Variants in GRM4 observed in about 807,000 individuals in gnomAD.
GRM4 encodes the protein metabotropic glutamate receptor 4.
Under a neutral mutation model 81.7 loss-of-function variants are expected in GRM4, and 28 were observed. The observed-to-expected ratio is 0.34, with a 90% CI of 0.25 to 0.47. The LOEUF (loss-of-function observed/expected upper bound fraction) is 0.47. Ranked by LOEUF, GRM4 falls within the 20% of genes least tolerant of loss-of-function variation. GRM4 has a pLI of 1.00. For missense variants in GRM4, 948 were observed against 1,290.0 expected, an observed-to-expected ratio of 0.73 and a Z score of 4.06; for synonymous variants, 488 against 528.8, an observed-to-expected ratio of 0.92 and a Z score of 1.06.
intron 2 of GRM4, among the ~76,000 whole-genome samples, chr6:34,131,682 T>C (rs897820135): frequency 6.6e-6 from 1 of 152,168 alleles, no homozygotes; most frequent in Non-Finnish European, 1.5e-5. Flanking sequence ...CCCCCAGACA[T>C]GCCCCCAAGT....
chr6:34,045,551 C>T (rs767948448), intron 6 of GRM4, among the ~76,000 whole-genome samples: 9 of 152,336 alleles, frequency 5.9e-5, no homozygotes, highest in Admixed American at 2.6e-4. Flanking sequence ...AAAAAGTCTT[C>T]AGCACCCTGA....
intron 3 of GRM4, among the ~76,000 whole-genome samples, chr6:34,072,649 ACATCAC>A (rs1766999646): frequency 6.7e-6 from 1 of 149,422 alleles, no homozygotes; most frequent in African/African-American, 2.5e-5. Flanking sequence ...ACACACACAC[ACATCAC>A]CACATAGATA....
Position 34,072,259 on chromosome 6 carries a change from C to T in GRM4, c.737-10231G>A, listed in dbSNP as rs368919180. ...ACACACATCACACAGATACACAGCACACACAGACACACGATCACCACACAT... is the reference window on the plus strand; with the variant it reads ...ACACACATCACACAGATACACAGCATACACAGACACACGATCACCACACAT... On this transcript the variant is annotated intron_variant, in intron 3 of 10. Transcript: ENST00000538487. Among the ~76,000 whole-genome samples, 21 of 145,156 alleles carry T rather than the reference C, an allele frequency of 1.4e-4. 1 individual carries two copies. The East Asian group carries it at 1.7e-3, about 12-fold the overall frequency.
In GRM4 at chr6:34,130,474, A is replaced by G. The variant is rs531959958; in HGVS notation, c.519+2504T>C. On this transcript the variant is annotated intron_variant, in intron 2 of 10. Coordinates refer to ENST00000538487, the MANE Select transcript of GRM4 (RefSeq NM_000841.4). This position sits in a 1 kb window ranked among gnomAD's most constrained non-coding sequence, Gnocchi z 4.1. Reference sequence around the variant, plus strand: ...CCACACCATGCTCCTCTGTGGCCAGACAAACAGGGGACACCATGAACCCCC... The same window carrying G: ...CCACACCATGCTCCTCTGTGGCCAGGCAAACAGGGGACACCATGAACCCCC... 6.6e-6 allele frequency among the ~76,000 whole-genome samples: 1 copy of G among 152,206 alleles called. No homozygotes were observed. The highest frequency in any genetic ancestry group is 1.9e-4 in the East Asian group (1 of 5,164).
chr6:34,145,097 G>A (rs1770870760), intron 1 of GRM4, among the ~76,000 whole-genome samples: 1 of 152,102 alleles, frequency 6.6e-6, no homozygotes, highest in Non-Finnish European at 1.5e-5. Flanking sequence ...CCGCGCGCCA[G>A]CAAGGTTTAA....
At position 34,102,793 on chromosome 6, in the gene GRM4, G is replaced by C. The variant is rs138756468; in HGVS notation, c.520-10694C>G. 6.5e-3 allele frequency among the ~76,000 whole-genome samples: 989 copies of C among 152,198 alleles called. 13 individuals are homozygous for C. Among genetic ancestry groups the C allele is most frequent in the Non-Finnish European group, 7.3e-3 (497 of 68,018 alleles). On this transcript the variant is annotated intron_variant, in intron 2 of 10. Coordinates refer to ENST00000538487, the MANE Select transcript of GRM4 (RefSeq NM_000841.4). ...ACACCTCATTCCTTCTGCACAGCCC[G>C]CCCATGAGACAAGCACCACAGTGCT...
chr6:34,028,327 G>C lies in GRM4; in HGVS notation c.2482C>G (p.Leu828Val). The C allele has an allele frequency of 6.2e-7, 1 of 1,612,392 alleles. No individual in the cohort carries two copies. The highest frequency in any genetic ancestry group is 2.2e-5 in the East Asian group (1 of 44,854). ...ATTCCCAGGGACACCGAGGCGCTCA[G>C]ACTCACCGAGACCGTCAGCGTCGTC... ...QTTTLTVSVS[L>V]SASVSLGMLY... Residue 828 changes from leucine to valine, a missense_variant, in exon 10 of 11, where the codon CTG (leucine) becomes GTG (valine). Leu to Val is a conservative substitution (Grantham distance 32, BLOSUM62 1). Coordinates refer to ENST00000538487, the MANE Select transcript of GRM4 (RefSeq NM_000841.4).
At chr6:34,145,881 G>T in intron 1 of GRM4, 119 bp downstream of exon 1, 1 of 550,076 alleles carries the variant, frequency 1.8e-6, no homozygotes, top group Non-Finnish European at 2.3e-6. Flanking sequence ...CTCTCGCGGC[G>T]CTCCGCCACC....
chr6:34,072,981 T>TACCACACACACATATCACACAGATACAC (rs1368503719), intron 3 of GRM4, among the ~76,000 whole-genome samples: 3 of 8,168 alleles, frequency 3.7e-4, no homozygotes, highest in African/African-American at 5.6e-4. Context: ...CACAGATACA[T>TACCACACACACATATCACACAGATACAC]ACCACACACA....
rs1768402881 is a variant in GRM4 at position 34,094,389 on chromosome 6, T to C, written c.520-2290A>G. On this transcript the variant is annotated intron_variant, in intron 2 of 10. Coordinates refer to ENST00000538487, the MANE Select transcript of GRM4 (RefSeq NM_000841.4). ...TCTATGTGTCCCCTCACCTGCTCTG[T>C]CAGCAGTGACTGAAAACTAGCCCAG... Among the ~76,000 whole-genome samples, 10 of 152,366 alleles carry C rather than the reference T, an allele frequency of 6.6e-5. No individual in the cohort carries two copies. The South Asian group carries it at 1.7e-3, about 25-fold the overall frequency.
chr6:34,093,952 A>G (rs987915114), intron 2 of GRM4, among the ~76,000 whole-genome samples: 1 of 152,244 alleles, frequency 6.6e-6, no homozygotes, highest in Non-Finnish European at 1.5e-5. Context: ...CATGTACTAC[A>G]TTATCCACTG....
chr6:34,106,152 T>C (rs1244204791), intron 2 of GRM4, among the ~76,000 whole-genome samples: 4 of 152,150 alleles, frequency 2.6e-5, no homozygotes. Flanking sequence ...TGGTGGCTCA[T>C]GCCTGTAATC....
At chr6:34,144,747 G>T (rs1184740047) in intron 1 of GRM4, among the ~76,000 whole-genome samples, 1 of 152,106 alleles carries the variant, frequency 6.6e-6, no homozygotes, top group Admixed American at 6.5e-5. Flanking sequence ...CGCTAATGCC[G>T]CCGCCCCCAC....
intron 6 of GRM4, among the ~76,000 whole-genome samples, chr6:34,041,513 C>T (rs920650154): frequency 2.0e-5 from 3 of 152,222 alleles, no homozygotes; most frequent in Non-Finnish European, 4.4e-5. Context: ...TCCTCCTCCC[C>T]TCCCCTCCGT....
chr6:34,022,564 C>A lies in GRM4; in HGVS notation c.*257G>T. On this transcript the variant is annotated 3_prime_UTR_variant, in exon 11 of 11. Coordinates refer to ENST00000538487, the MANE Select transcript of GRM4 (RefSeq NM_000841.4). The surrounding 1 kb of genome is among the most constrained non-coding windows in gnomAD (Gnocchi z 5.6). ...GACCTGAGCCCCTGTGGTTTGGGGC[C>A]GGGAGGGGCAATGGTCCAAGACGCA... is the stretch of plus-strand genomic sequence containing the variant. The A allele has an allele frequency of 1.8e-6, 1 of 544,928 alleles. No individual in the cohort carries two copies. The allele number at this position is 544,928 out of a possible 1,614,324, so 33.8% of individuals were successfully genotyped here.
In GRM4 at chr6:34,019,079, G is replaced by C. The variant is rs1763782055; in HGVS notation, c.*3742C>G. The C allele has an allele frequency of 6.6e-6, 1 of 152,334 alleles. No homozygotes were observed. Among genetic ancestry groups the C allele is most frequent in the Admixed American group, 6.5e-5 (1 of 15,284 alleles). The allele number at this position is 152,334 out of a possible 1,614,324, so 9.4% of individuals were successfully genotyped here. On this transcript the variant is annotated 3_prime_UTR_variant, in exon 11 of 11. Transcript: ENST00000538487. ...GCTCCCCAGGACCCCTTGGAGGCCT[G>C]GAGGCTGAGGCAGTGTGGGGGCAGC...
At chr6:34,123,040 C>T (rs1230375446) in intron 2 of GRM4, among the ~76,000 whole-genome samples, 2 of 152,174 alleles carry the variant, frequency 1.3e-5, no homozygotes, top group Admixed American at 6.5e-5. Context: ...CACCTCAGAG[C>T]CTCAAAGCCT....
chr6:34,097,372 CTG>C (rs972349080), intron 2 of GRM4, among the ~76,000 whole-genome samples: 2 of 150,826 alleles, frequency 1.3e-5, no homozygotes, highest in Admixed American at 6.6e-5. Context: ...GTATGCATGC[CTG>C]TGTGTGTGTG....
Position 34,069,545 on chromosome 6 carries a change from G to A in GRM4, c.737-7517C>T, listed in dbSNP as rs1766681554. Among the ~76,000 whole-genome samples, 1 of 152,074 alleles carries A rather than the reference G, an allele frequency of 6.6e-6. No individual in the cohort carries two copies. The highest frequency in any genetic ancestry group is 2.1e-4 in the South Asian group (1 of 4,830). On this transcript the variant is annotated intron_variant, in intron 3 of 10. Transcript: ENST00000538487. This position sits in a 1 kb window ranked among gnomAD's most constrained non-coding sequence, Gnocchi z 6.4. ...GGGCCAGGCCTAGTTCCCGTCACCT[G>A]TCACCCCTGCCCCATCTGCTCCTGC...
Sources: allele counts gnomAD v4.1 joint callset (sites outside exome capture counted in the v4.1 genomes callset), GRCh38; gene constraint gnomAD v4.1.1; non-coding constraint Gnocchi (gnomAD v3.1); transcripts MANE v1.5; gene names NCBI Gene and HGNC (gene_info 2026-07-23, HGNC 2026-07-21).